DPYSL4: variants seen among roughly 807,000 people sequenced by gnomAD.
DPYSL4 encodes dihydropyrimidinase-related protein 4.
A neutral mutation model predicts 63.4 loss-of-function variants in DPYSL4; 43 were observed. The ratio of observed to expected loss-of-function variants is 0.68; its 90% CI spans 0.53 to 0.88. DPYSL4 has a LOEUF of 0.88. DPYSL4 is among the 40% of genes least tolerant of loss of function. The pLI is 0.00. For missense variants in DPYSL4, 733 were observed against 819.5 expected (o/e 0.89, Z 1.29); for synonymous variants, 353 against 331.7 (o/e 1.06, Z -0.70).
chr10:132,199,012 T>C (rs750880077), intron 8 of DPYSL4, 41 bp downstream of exon 8: 1 of 1,596,056 alleles, frequency 6.3e-7, no homozygotes, highest in South Asian at 1.1e-5. Context: ...GGGGCCATGG[T>C]CTCGGCCTCC....
chr10:132,205,025 G>C lies in DPYSL4; in HGVS notation c.*95G>C. ...CCCCTCCTTAGCATTTTCTTTTGTA[G>C]AAGTTTCTCGAAGGTGCTTGGCGGT... is the stretch of plus-strand genomic sequence containing the variant. On this transcript the variant is annotated 3_prime_UTR_variant, in exon 14 of 14. Transcript: ENST00000338492. The C allele has an allele frequency of 9.8e-7, 1 of 1,024,218 alleles. No homozygotes were observed. The highest frequency in any genetic ancestry group is 2.5e-4 in the Middle Eastern group (1 of 4,072). The allele number at this position is 1,024,218 out of a possible 1,614,324, so 63.4% of individuals were successfully genotyped here. A position where few individuals can be genotyped will look rare whatever the true frequency, so the allele number is the denominator to read the frequency against.
At chr10:132,202,436 G>A (rs550996163) in intron 11 of DPYSL4, among the ~76,000 whole-genome samples, 2 of 152,360 alleles carry the variant, frequency 1.3e-5, no homozygotes, top group South Asian at 4.1e-4. Context: ...GTCCTCGAGA[G>A]AAACGGGACT....
chr10:132,205,074 C>T lies in DPYSL4; in HGVS notation c.*144C>T, dbSNP rs755068135. ...GTCTTGCCTTCCCCCTCCCCACAGG[C>T]TCTCCTTGTGGGGTCCCAGGTCCTG... is the stretch of plus-strand genomic sequence containing the variant. On this transcript the variant is annotated 3_prime_UTR_variant, in exon 14 of 14. Coordinates refer to ENST00000338492, the MANE Select transcript of DPYSL4 (RefSeq NM_006426.3). 12 of 586,708 alleles carry T rather than the reference C, an allele frequency of 2.0e-5. No homozygotes were observed. The highest frequency in any genetic ancestry group is 3.1e-5 in the Non-Finnish European group (11 of 353,552). 36.3% of individuals were successfully genotyped at this position (586,708 alleles called of 1,614,324 possible).
chr10:132,195,105 T>TG, intron 4 of DPYSL4, 96 bp downstream of exon 4: 3 of 1,374,070 alleles, frequency 2.2e-6, no homozygotes, highest in Non-Finnish European at 2.9e-6. Flanking sequence ...TGCTCTGCCC[T>TG]GGGGGCTGGT....
chr10:132,200,620 G>T (rs1461936274), intron 9 of DPYSL4, 108 bp downstream of exon 9: 137 of 1,452,322 alleles, frequency 9.4e-5, no homozygotes, highest in Non-Finnish European at 9.2e-7. Context: ...AGGGCAGCCC[G>T]GACAGTGGCG....
At chr10:132,199,391 G>A (rs1213394074) in intron 8 of DPYSL4, among the ~76,000 whole-genome samples, 1 of 152,186 alleles carries the variant, frequency 6.6e-6, no homozygotes, top group Non-Finnish European at 1.5e-5. Context: ...GCACTGCAGA[G>A]AGCCTCAGGC....
chr10:132,195,864 T>G (rs2061936441), intron 4 of DPYSL4, among the ~76,000 whole-genome samples: 1 of 151,990 alleles, frequency 6.6e-6, no homozygotes. Flanking sequence ...AGAGCGGAGG[T>G]GGAAGCAGGG....
At position 132,190,784 on chromosome 10, in the gene DPYSL4, A is replaced by G; in HGVS notation, c.77A>G (p.Asn26Ser). Residue 26 changes from asparagine to serine, a missense_variant, in exon 2 of 14, where the codon AAT (asparagine) becomes AGT (serine). By Grantham distance (46) the Asn-to-Ser change is conservative. Transcript: ENST00000338492. ...CTGATCAGAGGTGGGAGGATCGTGA[A>G]TGACGACCAGTCCTTTTACGCTGAT... ...RLLIRGGRIV[N>S]DDQSFYADVH... The G allele has an allele frequency of 6.2e-7, 1 of 1,613,792 alleles. No individual in the cohort carries two copies. Among genetic ancestry groups the G allele is most frequent in the Non-Finnish European group, 8.5e-7 (1 of 1,179,818 alleles).
chr10:132,192,476 G>C, intron 2 of DPYSL4, 182 bp from the exon 3 acceptor site: 1 of 1,361,042 alleles, frequency 7.3e-7, no homozygotes, highest in Non-Finnish European at 9.4e-7. Context: ...CCTGAGCTGC[G>C]CTGAGTGATG....
At chr10:132,194,369 G>A (rs1361205861) in intron 3 of DPYSL4, among the ~76,000 whole-genome samples, 3 of 152,234 alleles carry the variant, frequency 2.0e-5, no homozygotes, top group Admixed American at 1.3e-4. Flanking sequence ...GGGCAGGATG[G>A]CCCCTTTCAA....
chr10:132,189,831 T>C (rs562982389), intron 1 of DPYSL4, among the ~76,000 whole-genome samples: 4 of 152,312 alleles, frequency 2.6e-5, no homozygotes, highest in Non-Finnish European at 2.9e-5. Flanking sequence ...CAAACCAGGA[T>C]TGAAACCTGC....
rs542997506 is a variant in DPYSL4 at position 132,195,111 on chromosome 10, C to A, written c.478+102C>A. The A allele has an allele frequency of 8.4e-5, 114 of 1,359,220 alleles. 2 individuals are homozygous for A. The highest frequency in any genetic ancestry group is 3.6e-4 in the Admixed American group (14 of 38,506). The allele number at this position is 1,359,220 out of a possible 1,614,324, so 84.2% of individuals were successfully genotyped here. A position where few individuals can be genotyped will look rare whatever the true frequency, so the allele number is the denominator to read the frequency against. Reference sequence around the variant, plus strand: ...CGATGGTGCTGCTCTGCCCTGGGGGCTGGTGTCCAGGTTTGAGTGGAAGTT... The same window carrying A: ...CGATGGTGCTGCTCTGCCCTGGGGGATGGTGTCCAGGTTTGAGTGGAAGTT... On this transcript the variant is annotated intron_variant, in intron 4 of 13. Transcript: ENST00000338492.
At chr10:132,195,314 C>G (rs1345139081) in intron 4 of DPYSL4, among the ~76,000 whole-genome samples, 1 of 152,218 alleles carries the variant, frequency 6.6e-6, no homozygotes, top group Non-Finnish European at 1.5e-5. Flanking sequence ...TCCCCAGTCT[C>G]CTAGCATCTG....
At chr10:132,204,784 G>C in intron 13 of DPYSL4, 55 bp from the exon 14 acceptor site, 14 of 1,498,632 alleles carry the variant, frequency 9.3e-6, no homozygotes, top group Non-Finnish European at 1.3e-5. Flanking sequence ...GCCTTGAATA[G>C]AAGGGCCCCT....
At position 132,205,580 on chromosome 10, in the gene DPYSL4, A is replaced by ATCCTT. The variant is rs1201187978; in HGVS notation, c.*652_*656dup. 6.6e-6 allele frequency: 1 copy of ATCCTT among 152,470 alleles called. No homozygotes were observed. Among genetic ancestry groups the ATCCTT allele is most frequent in the East Asian group, 1.9e-4 (1 of 5,188 alleles). The allele number at this position is 152,470 out of a possible 1,614,324, so 9.4% of individuals were successfully genotyped here. The stretch of plus-strand genomic sequence containing the variant: ...AGCCCTCATCCAGGGAAGTTTTGCG[A>ATCCTT]TCCTTTAGGAAGACACTGTCCTCTT... On this transcript the variant is annotated 3_prime_UTR_variant, in exon 14 of 14. Coordinates refer to ENST00000338492, the MANE Select transcript of DPYSL4 (RefSeq NM_006426.3).
chr10:132,199,424 G>C (rs2137517740), intron 8 of DPYSL4, among the ~76,000 whole-genome samples: 1 of 152,044 alleles, frequency 6.6e-6, no homozygotes, highest in Non-Finnish European at 1.5e-5. Flanking sequence ...GTGCCACCCA[G>C]AGCTGTGATT....
chr10:132,189,267 C>T (rs1436961398), intron 1 of DPYSL4, among the ~76,000 whole-genome samples: 1 of 152,236 alleles, frequency 6.6e-6, no homozygotes, highest in Admixed American at 6.5e-5. Flanking sequence ...AAAAGCGTTG[C>T]CGAGTCCAGC....
Position 132,192,846 on chromosome 10 carries a change from A to G in DPYSL4, c.313+4A>G. On this transcript the variant is annotated splice_donor_region_variant and intron_variant, in intron 3 of 13. Coordinates refer to ENST00000338492, the MANE Select transcript of DPYSL4 (RefSeq NM_006426.3). ...GCAGGAGGAACCACCATGATCTGTG[A>G]GTGTCTGGGTCTCCTCCTCTACAGG... 1 of 1,604,132 alleles carries G rather than the reference A, an allele frequency of 6.2e-7. No homozygotes were observed. The highest frequency in any genetic ancestry group is 8.5e-7 in the Non-Finnish European group (1 of 1,174,958).
chr10:132,204,757 C>T, intron 13 of DPYSL4, 82 bp from the exon 14 acceptor site: 1 of 1,251,862 alleles, frequency 8.0e-7, no homozygotes, highest in African/African-American at 1.5e-5. Context: ...CTGACGCAGC[C>T]ACTGACTCTG....
Sources: allele counts gnomAD v4.1 joint callset (sites outside exome capture counted in the v4.1 genomes callset), GRCh38; gene constraint gnomAD v4.1.1; transcripts MANE v1.5; gene names NCBI Gene and HGNC (gene_info 2026-07-23, HGNC 2026-07-21).